SOD2: variants seen among roughly 807,000 people sequenced by gnomAD.
SOD2 encodes the protein superoxide dismutase 2.
Under a neutral mutation model 27.0 loss-of-function variants are expected in SOD2, and 11 were observed. The ratio of observed to expected loss-of-function variants is 0.41; its 90% CI spans 0.26 to 0.67. The LOEUF (loss-of-function observed/expected upper bound fraction) is 0.67. SOD2 is among the 30% of genes least tolerant of loss of function. The pLI, the probability that SOD2 is intolerant of heterozygous loss-of-function variation, is 0.34. For missense variants in SOD2, 250 were observed against 274.5 expected (o/e 0.91, Z 0.63); for synonymous variants, 105 against 103.0 (o/e 1.02, Z -0.12).
chr6:159,755,761 T>TTTTA, intron 1 of SOD2: 9 of 838,150 alleles, frequency 1.1e-5, no homozygotes, highest in African/African-American at 2.2e-5. Context: ...TTTTTTTTTC[T>TTTTA]TTTCTTTTTT....
chr6:159,726,973 C>A lies in SOD2; in HGVS notation c.-116+156G>T, dbSNP rs569686533. On this transcript the variant is annotated intron_variant, in intron 1 of 2. Transcript: ENST00000401980. ...GATGAGCGTCACGAACACAGAGCGG[C>A]CAATCACGCGCCGCCTTCGCCCAGA... The A allele has an allele frequency of 4.5e-5, 58 of 1,282,198 alleles. No homozygotes were observed. In the South Asian group the frequency reaches 6.9e-4, roughly 15 times the overall value. The allele number at this position is 1,282,198 out of a possible 1,614,324, so 79.4% of individuals were successfully genotyped here.
At chr6:159,692,395 A>C in intron 2 of SOD2, 1 of 1,371,404 alleles carries the variant, frequency 7.3e-7, no homozygotes, top group Non-Finnish European at 9.5e-7. Context: ...GTGTAACGGA[A>C]TGTGGCTCAC....
At chr6:159,736,205 C>T (rs1778903354) in intron 1 of SOD2, 1 of 1,553,406 alleles carries the variant, frequency 6.4e-7, no homozygotes, top group East Asian at 2.2e-5. Context: ...TTTATTCCTA[C>T]TTTCACTGGA....
intron 1 of SOD2, chr6:159,755,677 A>T: frequency 7.3e-7 from 1 of 1,371,866 alleles, no homozygotes; most frequent in East Asian, 2.6e-5. Context: ...CAGAAAATTA[A>T]TGCATACTTT....
exon 1 of SOD2, chr6:159,762,159 A>T (rs1259781850): frequency 6.2e-7 from 1 of 1,606,440 alleles, no homozygotes; most frequent in East Asian, 2.2e-5. Flanking sequence ...GGCCGGCGGG[A>T]GCCGCGCAGA....
chr6:159,762,116 T>C, exon 1 of SOD2: 1 of 1,612,946 alleles, frequency 6.2e-7, no homozygotes, highest in Non-Finnish European at 8.5e-7. Context: ...CCTGTGGTCA[T>C]CGTCTCGGCG....
At chr6:159,753,292 T>C in intron 1 of SOD2, 1 of 1,002,864 alleles carries the variant, frequency 1.0e-6, no homozygotes, top group Non-Finnish European at 1.4e-6. Context: ...GGCAAAATAC[T>C]GAAATGCAGA....
chr6:159,762,056 A>G (rs1780147519), exon 1 of SOD2: 10 of 1,610,982 alleles, frequency 6.2e-6, no homozygotes, highest in Non-Finnish European at 8.5e-6. Flanking sequence ...GCTTGCAGGC[A>G]GCGCAGGGCA....
At chr6:159,692,919 G>A (rs2114795014) in intron 1 of SOD2, 56 bp from the exon 2 acceptor site, 1 of 1,458,138 alleles carries the variant, frequency 6.9e-7, no homozygotes. Context: ...GTCTACGCAG[G>A]CTGGGCTGCC....
intron 3 of SOD2, 107 bp downstream of exon 3, chr6:159,688,019 A>T (rs2070994): frequency 0.45 from 322,910 of 723,186 alleles, 76,882 homozygotes; most frequent in Admixed American, 0.54. Context: ...TCTCAAAAAA[A>T]CAACAACAAA....
At chr6:159,727,018 C>A (rs956503054) in intron 1 of SOD2, 2 of 1,241,492 alleles carry the variant, frequency 1.6e-6, no homozygotes, top group Non-Finnish European at 2.1e-6. Context: ...ACGAGGCAGC[C>A]CCGCAGCCGC....
upstream of SOD2, among the ~76,000 whole-genome samples, chr6:159,695,376 G>A (rs531295760): frequency 2.8e-4 from 42 of 152,186 alleles, no homozygotes; most frequent in Non-Finnish European, 4.4e-4. Flanking sequence ...CAGCAGTCAG[G>A]TAGAAGAATC....
At chr6:159,686,628 G>A (rs755473742) in intron 3 of SOD2, among the ~76,000 whole-genome samples, 25 of 152,074 alleles carry the variant, frequency 1.6e-4, no homozygotes, top group Admixed American at 3.9e-4. Context: ...TAGCCTGGGC[G>A]AAAGAGCTAA....
chr6:159,719,477 G>A (rs1346350703), intron 1 of SOD2, among the ~76,000 whole-genome samples: 1 of 151,772 alleles, frequency 6.6e-6, no homozygotes, highest in African/African-American at 2.4e-5. Context: ...GCAGTGAGCC[G>A]AGATCGGGAG....
chr6:159,716,291 G>A (rs566297021), intron 1 of SOD2, among the ~76,000 whole-genome samples: 1 of 152,342 alleles, frequency 6.6e-6, no homozygotes, highest in South Asian at 2.1e-4. Context: ...GAGTCTGGAA[G>A]ATTAACAAGG....
At chr6:159,733,623 A>G (rs1019098813) in intron 1 of SOD2, among the ~76,000 whole-genome samples, 4 of 151,840 alleles carry the variant, frequency 2.6e-5, no homozygotes, top group African/African-American at 9.7e-5. Flanking sequence ...CTGTCTCAAA[A>G]AAAAAAAAAA....
At chr6:159,732,398 T>TC (rs1778627667) in intron 1 of SOD2, among the ~76,000 whole-genome samples, 1 of 152,196 alleles carries the variant, frequency 6.6e-6, no homozygotes, top group African/African-American at 2.4e-5. Context: ...CATTCACAGA[T>TC]CTCTACCACA....
intron 2 of SOD2, chr6:159,690,842 G>A (rs1242807922): frequency 2.0e-5 from 3 of 152,052 alleles, no homozygotes; most frequent in Non-Finnish European, 2.9e-5. Flanking sequence ...CTGCTTTTAA[G>A]AACACTTTTC....
chr6:159,753,594 A>C, intron 1 of SOD2: 1 of 1,611,938 alleles, frequency 6.2e-7, no homozygotes, highest in Non-Finnish European at 8.5e-7. Flanking sequence ...TACAGTGAGG[A>C]GCTTAAAAGC....
Sources: gnomAD v4.1 joint callset for allele counts (sites outside exome capture counted in the v4.1 genomes callset) on GRCh38, gnomAD v4.1.1 for gene constraint, MANE v1.5 for transcripts, NCBI Gene and HGNC (gene_info 2026-07-23, HGNC 2026-07-21) for gene names.